The following BTBD9 variants were observed in gnomAD, a reference collection of about 807,000 sequenced individuals.
BTBD9 encodes the protein BTB/POZ domain-containing protein 9.
In BTBD9, 49 loss-of-function variants were observed where a neutral mutation model predicts 64.3. The observed-to-expected ratio is 0.76, with a 90% confidence interval of 0.61 to 0.97. The LOEUF is 0.97. Ranked by LOEUF, BTBD9 falls within the 50% of genes least tolerant of loss-of-function variation. The pLI is 0.00. For missense variants in BTBD9, 598 were observed against 762.1 expected, an observed-to-expected ratio of 0.78 and a Z score of 2.53; for synonymous variants, 260 against 274.7, an observed-to-expected ratio of 0.95 and a Z score of 0.53.
chr6:38,251,411 C>T (rs961724357), intron 9 of BTBD9, among the ~76,000 whole-genome samples: 3 of 151,526 alleles, frequency 2.0e-5, no homozygotes, highest in Non-Finnish European at 1.5e-5. Context: ...TTTACAGGCA[C>T]GTGCCACCAG....
At chr6:38,447,397 T>C (rs1769322856) in intron 6 of BTBD9, among the ~76,000 whole-genome samples, 1 of 152,194 alleles carries the variant, frequency 6.6e-6, no homozygotes, top group South Asian at 2.1e-4. Context: ...ACATTGCAAA[T>C]AATTCAGCAA....
chr6:38,457,578 C>G (rs1436863179), intron 6 of BTBD9, among the ~76,000 whole-genome samples: 1 of 151,620 alleles, frequency 6.6e-6, no homozygotes. Flanking sequence ...TGGAGAATAA[C>G]TGATTGGAGG....
intron 6 of BTBD9, among the ~76,000 whole-genome samples, chr6:38,404,871 C>A (rs936196662): frequency 6.6e-6 from 1 of 152,152 alleles, no homozygotes; most frequent in Non-Finnish European, 1.5e-5. Flanking sequence ...TTAATTCTGT[C>A]AGAAAAGAGA....
intron 7 of BTBD9, among the ~76,000 whole-genome samples, chr6:38,309,689 G>T (rs572031560): frequency 6.6e-6 from 1 of 151,918 alleles, no homozygotes; most frequent in Non-Finnish European, 1.5e-5. Context: ...GGGATTACAG[G>T]TGTGAACCAC....
At chr6:38,295,190 G>A (rs967301394) in intron 7 of BTBD9, among the ~76,000 whole-genome samples, 4 of 152,040 alleles carry the variant, frequency 2.6e-5, no homozygotes, top group South Asian at 4.1e-4. Context: ...GTTGAGACAC[G>A]GTCTCATTCT....
chr6:38,294,089 T>C (rs1377429566), intron 7 of BTBD9, among the ~76,000 whole-genome samples: 1 of 152,094 alleles, frequency 6.6e-6, no homozygotes, highest in Non-Finnish European at 1.5e-5. Context: ...CACTGGCCAT[T>C]AGAGAAATGC....
intron 8 of BTBD9, among the ~76,000 whole-genome samples, chr6:38,258,981 T>G (rs565568563): frequency 5.4e-4 from 83 of 152,394 alleles, no homozygotes; most frequent in Non-Finnish European, 1.1e-3. Flanking sequence ...CTATGTTAAG[T>G]GCTCTGTACA....
chr6:38,295,764 G>A (rs1762135186), intron 7 of BTBD9, among the ~76,000 whole-genome samples: 1 of 152,090 alleles, frequency 6.6e-6, no homozygotes, highest in Non-Finnish European at 1.5e-5. Context: ...TGTATTCTGA[G>A]GCTGGATATG....
Position 38,217,417 on chromosome 6 carries a change from G to A in BTBD9, c.1563-24820C>T, listed in dbSNP as rs1252612683. ...AAGGTGGCAAAGTGGAAAAATCAAG[G>A]GAGGCTTTAAGAATAAGAAAGTAAG... On this transcript the variant is annotated intron_variant, in intron 9 of 10. Transcript: ENST00000481247. 2.0e-5 allele frequency among the ~76,000 whole-genome samples: 3 copies of A among 151,942 alleles called. No homozygotes were observed. In the South Asian group the frequency reaches 6.2e-4, roughly 32 times the overall value.
chr6:38,200,806 T>C (rs1454084068), intron 9 of BTBD9, among the ~76,000 whole-genome samples: 2 of 152,168 alleles, frequency 1.3e-5, no homozygotes, highest in Admixed American at 6.5e-5. Context: ...CAGGACCTGA[T>C]GGATTCACTG....
chr6:38,195,174 C>A (rs960630841), intron 9 of BTBD9, among the ~76,000 whole-genome samples: 2 of 152,312 alleles, frequency 1.3e-5, no homozygotes, highest in Middle Eastern at 3.4e-3. Flanking sequence ...GGGGAAATGA[C>A]AAGGTGGCAC....
At chr6:38,359,142 C>T (rs968000419) in intron 6 of BTBD9, among the ~76,000 whole-genome samples, 1 of 152,208 alleles carries the variant, frequency 6.6e-6, no homozygotes, top group Non-Finnish European at 1.5e-5. Flanking sequence ...TCCAGGTTTG[C>T]CTGGAACTGT....
chr6:38,192,479 A>G (rs760977343), intron 10 of BTBD9, 40 bp downstream of exon 10: 2 of 1,554,200 alleles, frequency 1.3e-6, no homozygotes, highest in South Asian at 1.1e-5. Context: ...CCTGTACATC[A>G]TGAAATCTCA....
intron 1 of BTBD9, among the ~76,000 whole-genome samples, chr6:38,608,212 T>C (rs988059985): frequency 2.6e-5 from 4 of 152,196 alleles, no homozygotes; most frequent in African/African-American, 7.2e-5. Context: ...CTCTAAGAAG[T>C]TGCTATCACT....
In BTBD9 at chr6:38,189,589, C is replaced by T. The variant is rs141371083; in HGVS notation, c.1641+2930G>A. ...CACTGCAGCCTCGAACTCCTAGGCC[C>T]AAGCGATCCTCCTGCCTCAGCCTCC... is the stretch of plus-strand genomic sequence containing the variant. On this transcript the variant is annotated intron_variant, in intron 10 of 10. Coordinates refer to ENST00000481247, the MANE Select transcript of BTBD9 (RefSeq NM_001099272.2). 7.0e-4 allele frequency among the ~76,000 whole-genome samples: 106 copies of T among 152,166 alleles called. No individual in the cohort carries two copies. The East Asian group carries it at 0.019, about 27-fold the overall frequency.
At chr6:38,177,571 C>T (rs1761331173) in intron 10 of BTBD9, among the ~76,000 whole-genome samples, 1 of 152,246 alleles carries the variant, frequency 6.6e-6, no homozygotes, top group African/African-American at 2.4e-5. Context: ...GCTTGCTCTT[C>T]ACAGCCGGCC....
intron 6 of BTBD9, among the ~76,000 whole-genome samples, chr6:38,532,178 C>T (rs184732482): frequency 6.6e-6 from 1 of 152,228 alleles, no homozygotes; most frequent in East Asian, 1.9e-4. Context: ...TCAATGGTGC[C>T]CTGTCATAGC....
intron 9 of BTBD9, among the ~76,000 whole-genome samples, chr6:38,198,841 G>A (rs2127490787): frequency 6.6e-6 from 1 of 152,232 alleles, no homozygotes; most frequent in East Asian, 1.9e-4. Flanking sequence ...ACACATGCAT[G>A]ACCACAAAAC....
intron 6 of BTBD9, among the ~76,000 whole-genome samples, chr6:38,396,475 T>C (rs969712163): frequency 1.3e-5 from 2 of 152,168 alleles, no homozygotes; most frequent in Non-Finnish European, 2.9e-5. Context: ...AAACAAAAAA[T>C]TAGGGCGAAG....
Sources: allele counts gnomAD v4.1 joint callset (sites outside exome capture counted in the v4.1 genomes callset), GRCh38; gene constraint gnomAD v4.1.1; transcripts MANE v1.5; gene names NCBI Gene and HGNC (gene_info 2026-07-23, HGNC 2026-07-21).